FAM200C: variants seen among roughly 807,000 people sequenced by gnomAD.
chr5:160,399,901 C>T, the FAM200C span: 5 of 152,454 alleles, frequency 3.3e-5, no homozygotes, highest in African/African-American at 1.2e-4. Context: ...CCACTCTCCG[C>T]TCAGCCTAGG....
chr5:160,399,251 A>C, the FAM200C span, among the ~76,000 whole-genome samples: 1 of 152,252 alleles, frequency 6.6e-6, no homozygotes, highest in East Asian at 1.9e-4. Flanking sequence ...AAGTTTATGA[A>C]GGGTAGATAT....
chr5:160,395,607 C>T, the FAM200C span: 1 of 802,722 alleles, frequency 1.2e-6, no homozygotes, highest in Non-Finnish European at 2.1e-6. Flanking sequence ...AAAGCCACAT[C>T]ACATGCTATC....
chr5:160,399,988 G>A, the FAM200C span: 3 of 152,422 alleles, frequency 2.0e-5, 1 homozygote, highest in South Asian at 6.2e-4. Flanking sequence ...TCTGCGGTGC[G>A]CCTGGAGAGA....
At chr5:160,393,354 C>T in the FAM200C span, 1 of 194,068 alleles carries the variant, frequency 5.2e-6, no homozygotes, top group South Asian at 1.3e-4. Flanking sequence ...TTCATTTTGC[C>T]TTTTTGACTT....
the FAM200C span, chr5:160,393,242 G>T: frequency 6.4e-6 from 1 of 155,172 alleles, no homozygotes; most frequent in East Asian, 1.9e-4. Flanking sequence ...ATATTTAAAA[G>T]TAAGTCTTAC....
chr5:160,398,578 G>A, the FAM200C span, among the ~76,000 whole-genome samples: 1 of 152,150 alleles, frequency 6.6e-6, no homozygotes, highest in African/African-American at 2.4e-5. Context: ...GATCTGTTAA[G>A]AGTCCATTCC....
chr5:160,393,952 A>T, the FAM200C span: 1 of 1,614,004 alleles, frequency 6.2e-7, no homozygotes, highest in African/African-American at 1.3e-5. Flanking sequence ...AGAAATCCTC[A>T]AGCTTCATTG....
At chr5:160,393,758 C>A in the FAM200C span, 2 of 1,556,690 alleles carry the variant, frequency 1.3e-6, no homozygotes, top group Non-Finnish European at 1.7e-6. Context: ...GTCCGAGAAA[C>A]GAGGAACTTT....
the FAM200C span, chr5:160,394,325 G>A: frequency 6.2e-7 from 1 of 1,613,848 alleles, no homozygotes; most frequent in Non-Finnish European, 8.5e-7. Flanking sequence ...CTGCATAGAT[G>A]CACTGAGTTC....
the FAM200C span, chr5:160,394,750 AGAG>A: frequency 6.2e-6 from 10 of 1,614,156 alleles, no homozygotes; most frequent in Non-Finnish European, 8.5e-6. Context: ...CTCCTAGCAT[AGAG>A]GAGGCACCAT....
the FAM200C span, among the ~76,000 whole-genome samples, chr5:160,398,447 G>A: frequency 2.0e-5 from 3 of 152,154 alleles, no homozygotes; most frequent in Non-Finnish European, 2.9e-5. Flanking sequence ...TGATGCAGGA[G>A]AATCGCTTGA....
chr5:160,393,165 T>C, the FAM200C span: 1 of 152,362 alleles, frequency 6.6e-6, no homozygotes, highest in Non-Finnish European at 1.5e-5. Flanking sequence ...ATTAGGCTAT[T>C]TATTAATATG....
At chr5:160,399,544 G>C in the FAM200C span, 1 of 152,246 alleles carries the variant, frequency 6.6e-6, no homozygotes, top group Non-Finnish European at 1.5e-5. Flanking sequence ...CTGGGCAGAC[G>C]CTCCAGGGGC....
At chr5:160,393,803 T>C in the FAM200C span, 4 of 1,599,172 alleles carry the variant, frequency 2.5e-6, no homozygotes, top group African/African-American at 1.3e-5. Flanking sequence ...ATCACTCAGA[T>C]TAAAGCAGCT....
chr5:160,396,390 T>C, the FAM200C span, among the ~76,000 whole-genome samples: 1 of 152,166 alleles, frequency 6.6e-6, no homozygotes, highest in Admixed American at 6.5e-5. Flanking sequence ...AGGCTACAAA[T>C]TGGCTCAGAG....
At chr5:160,393,745 G>C in the FAM200C span, 1 of 1,552,986 alleles carries the variant, frequency 6.4e-7, no homozygotes, top group East Asian at 2.4e-5. Flanking sequence ...TTTGTTCAAT[G>C]ATGTCCGAGA....
At chr5:160,393,818 G>A in the FAM200C span, 16 of 1,609,748 alleles carry the variant, frequency 9.9e-6, no homozygotes, top group Non-Finnish European at 1.4e-5. Context: ...GCAGCTTCTG[G>A]ACTTTGTTTT....
At chr5:160,395,527 C>G in the FAM200C span, 1 of 1,555,054 alleles carries the variant, frequency 6.4e-7, no homozygotes, top group African/African-American at 1.4e-5. Context: ...TCCAGAGATG[C>G]CACAGAATTT....
chr5:160,394,775 G>A, the FAM200C span: 11 of 1,614,044 alleles, frequency 6.8e-6, no homozygotes, highest in South Asian at 9.9e-5. Context: ...AGTACAAACA[G>A]AGCCACATAC....
Sources: allele counts gnomAD v4.1 joint callset (sites outside exome capture counted in the v4.1 genomes callset), GRCh38; gene constraint gnomAD v4.1.1; transcripts MANE v1.5.